The following FGD1 variants were observed in gnomAD, a reference collection of about 807,000 sequenced individuals.
FGD1 encodes FYVE, RhoGEF and PH domain containing 1.
In FGD1, 12 loss-of-function variants were observed where a neutral mutation model predicts 65.0. The ratio of observed to expected loss-of-function variants is 0.18; its 90% CI spans 0.12 to 0.30. FGD1 has a LOEUF of 0.30. FGD1 is among the 10% of genes least tolerant of loss of function. The pLI, the probability that FGD1 is intolerant of heterozygous loss-of-function variation, is 1.00. For synonymous variants in FGD1, 333 were observed against 343.9 expected (o/e 0.97, Z 0.35); for missense variants, 542 against 837.6 (o/e 0.65, Z 4.36).
chrX:54,477,479 G>T (rs1923044959), intron 1 of FGD1, among the ~76,000 whole-genome samples: 1 of 109,789 alleles, frequency 9.1e-6, no homozygotes, highest in African/African-American at 3.3e-5. Context: ...ACCTAGGCTG[G>T]AGTACAATGG....
intron 8 of FGD1, among the ~76,000 whole-genome samples, chrX:54,461,600 C>CAAAAA (rs1165040158): frequency 1.7e-4 from 3 of 18,039 alleles, no homozygotes; most frequent in Admixed American, 9.0e-4. Flanking sequence ...GACTCTGTCT[C>CAAAAA]AAAAAAAAAA....
At position 54,446,034 on chromosome X, in the gene FGD1, G is replaced by T; in HGVS notation, c.*75C>A. 1 of 802,281 alleles carries T rather than the reference G, an allele frequency of 1.2e-6. No individual in the cohort carries two copies. The highest frequency in any genetic ancestry group is 2.0e-5 in the African/African-American group (1 of 48,832). 66.1% of individuals were successfully genotyped at this position (802,281 alleles called of 1,213,427 possible). A position where few individuals can be genotyped will look rare whatever the true frequency, so the allele number is the denominator to read the frequency against. On this transcript the variant is annotated 3_prime_UTR_variant, in exon 18 of 18. Coordinates refer to ENST00000375135, the MANE Select transcript of FGD1 (RefSeq NM_004463.3). ...TTCAAGTATTGACTGAGCTGGGAGGGAAGGGGCTAGAGCCCCCAATCAGAC... is the reference window on the plus strand; with the variant it reads ...TTCAAGTATTGACTGAGCTGGGAGGTAAGGGGCTAGAGCCCCCAATCAGAC...
At chrX:54,461,218 A>G (rs1268209788) in intron 8 of FGD1, among the ~76,000 whole-genome samples, 3 of 111,249 alleles carry the variant, frequency 2.7e-5, no homozygotes, top group Non-Finnish European at 3.8e-5. Flanking sequence ...CTAGGCACTT[A>G]GCCTGTGTGG....
chrX:54,445,729 T>G lies in FGD1; in HGVS notation c.*380A>C. On this transcript the variant is annotated 3_prime_UTR_variant, in exon 18 of 18. Coordinates refer to ENST00000375135, the MANE Select transcript of FGD1 (RefSeq NM_004463.3). ...GCAGGGCTGGGTCGGGGCCCCAGGG[T>G]CAGTGGCAGAGCTGGCACTTGAATC... 1 of 154,620 alleles carries G rather than the reference T, an allele frequency of 6.5e-6. No homozygotes were observed. Among genetic ancestry groups the G allele is most frequent in the Non-Finnish European group, 1.2e-5 (1 of 82,975 alleles). 12.7% of individuals were successfully genotyped at this position (154,620 alleles called of 1,213,427 possible).
At chrX:54,455,385 C>T in intron 12 of FGD1, 63 bp downstream of exon 12, 1 of 901,323 alleles carries the variant, frequency 1.1e-6, no homozygotes, top group Non-Finnish European at 1.6e-6. Flanking sequence ...CCTGGAATGC[C>T]TCAGCATATC....
intron 1 of FGD1, among the ~76,000 whole-genome samples, chrX:54,479,574 G>A (rs1923094641): frequency 1.8e-5 from 2 of 110,198 alleles, no homozygotes; most frequent in African/African-American, 6.6e-5. Flanking sequence ...CCCCTAGCAC[G>A]CAGGTCTCCT....
chrX:54,485,547 C>T (rs1923250149), intron 1 of FGD1, among the ~76,000 whole-genome samples: 1 of 111,166 alleles, frequency 9.0e-6, no homozygotes, highest in Non-Finnish European at 1.9e-5. Context: ...TACTTCACTG[C>T]AGCCTCGAAC....
intron 13 of FGD1, 48 bp from the exon 14 acceptor site, chrX:54,449,808 A>G (rs1193977998): frequency 1.0e-5 from 9 of 871,727 alleles, no homozygotes; most frequent in Non-Finnish European, 1.5e-5. Context: ...CCCACAAACT[A>G]CCCATTTCTA....
intron 1 of FGD1, among the ~76,000 whole-genome samples, chrX:54,483,160 A>G (rs1329998605): frequency 9.0e-6 from 1 of 111,715 alleles, no homozygotes. Context: ...CCCTGAGGGA[A>G]TTCTCCAGAG....
At chrX:54,456,643 T>A in intron 8 of FGD1, 76 bp from the exon 9 acceptor site, 2 of 891,801 alleles carry the variant, frequency 2.2e-6, no homozygotes, top group South Asian at 4.7e-5. Flanking sequence ...TTTTTGTTTT[T>A]TTTTTTTGAG....
rs756619103 is a variant in FGD1, at chrX:54,473,478, G to A, written c.308-1991C>T. Among the ~76,000 whole-genome samples, 260 of 112,091 alleles carry A rather than the reference G, an allele frequency of 2.3e-3. 3 individuals carry two copies. Among genetic ancestry groups the A allele is most frequent in the Admixed American group, 0.011 (113 of 10,523 alleles). On this transcript the variant is annotated intron_variant, in intron 1 of 17. Coordinates refer to ENST00000375135, the MANE Select transcript of FGD1 (RefSeq NM_004463.3). The stretch of plus-strand genomic sequence containing the variant: ...TCAGAAACACGAACTCACAATCACA[G>A]ACATGTGGCATACAGGTGGCCCTCC...
Position 54,462,236 on chromosome X carries a change from T to C in FGD1, c.1636+3215A>G, listed in dbSNP as rs1234845702. Among the ~76,000 whole-genome samples the C allele has an allele frequency of 4.5e-5, 5 of 111,148 alleles. No homozygotes were observed. The South Asian group carries it at 1.5e-3, about 34-fold the overall frequency. Reference sequence around the variant, plus strand: ...ATGAGGTACTTACTTATGCTGCAGATGTCTGCTTGTAGAGCTTAGCTATTA... The same window carrying C: ...ATGAGGTACTTACTTATGCTGCAGACGTCTGCTTGTAGAGCTTAGCTATTA... On this transcript the variant is annotated intron_variant, in intron 8 of 17. Coordinates refer to ENST00000375135, the MANE Select transcript of FGD1 (RefSeq NM_004463.3).
At chrX:54,450,067 C>T (rs966502762) in intron 13 of FGD1, among the ~76,000 whole-genome samples, 5 of 111,626 alleles carry the variant, frequency 4.5e-5, no homozygotes, top group African/African-American at 1.6e-4. Context: ...GAGAAACCAG[C>T]TTCCTAAAAG....
intron 6 of FGD1, among the ~76,000 whole-genome samples, 178 bp from the exon 7 acceptor site, chrX:54,466,030 C>T (rs1396181637): frequency 2.7e-5 from 3 of 112,027 alleles, no homozygotes; most frequent in Admixed American, 9.5e-5. Flanking sequence ...CCAAGAGGCT[C>T]GGCTTGACTT....
chrX:54,449,480 C>T (rs959020131), intron 14 of FGD1, among the ~76,000 whole-genome samples, 179 bp downstream of exon 14: 9 of 111,677 alleles, frequency 8.1e-5, no homozygotes, highest in Admixed American at 7.6e-4. Context: ...ACTTTCTGGG[C>T]CTCAGTTTCC....
intron 1 of FGD1, 80 bp downstream of exon 1, chrX:54,495,046 A>C: frequency 9.6e-7 from 1 of 1,046,183 alleles, no homozygotes; most frequent in South Asian, 2.0e-5. Flanking sequence ...GGTGGGGCTT[A>C]GAGGGCTCGA....
At position 54,449,232 on chromosome X, in the gene FGD1, G is replaced by A. The variant is rs1601948605; in HGVS notation, c.2185C>T (p.Arg729Trp). 4 of 1,210,253 alleles carry A rather than the reference G, an allele frequency of 3.3e-6. No homozygotes were observed. Among genetic ancestry groups the A allele is most frequent in the African/African-American group, 1.7e-5 (1 of 57,368 alleles). The change falls in exon 15 of 18, where the codon CGG becomes TGG. Residue 729 changes from arginine (R) to tryptophan (W), a missense_variant. This residue lies in a region of FGD1 where 182 missense variants were observed against 311.4 expected (regional missense o/e 0.58). Coordinates refer to ENST00000375135, the MANE Select transcript of FGD1 (RefSeq NM_004463.3). ...DLGKRAPTPI[R>W]EKEVTMCMRC... ...ATGCACATGGTGACTTCCTTTTCCC[G>A]GATGGGCGTAGGTGCCCGCTTCCCA...
At chrX:54,474,267 A>G (rs1385166958) in intron 1 of FGD1, among the ~76,000 whole-genome samples, 1 of 112,397 alleles carries the variant, frequency 8.9e-6, no homozygotes, top group Non-Finnish European at 1.9e-5. Context: ...GTGAAAACAT[A>G]CACACACAAA....
intron 4 of FGD1, 79 bp downstream of exon 4, chrX:54,469,937 G>T: frequency 1.1e-6 from 1 of 901,152 alleles, no homozygotes; most frequent in Non-Finnish European, 1.6e-6. Context: ...GAAATACTGA[G>T]CTAGGGGAAG....
Sources: gnomAD v4.1 joint callset for allele counts (sites outside exome capture counted in the v4.1 genomes callset) on GRCh38, gnomAD v4.1.1 for gene constraint, gnomAD v4.1.1 regional missense constraint, MANE v1.5 for transcripts, NCBI Gene and HGNC (gene_info 2026-07-23, HGNC 2026-07-21) for gene names.